Variants in SNX10 observed in about 807,000 individuals in gnomAD.
SNX10 encodes sorting nexin-10.
In SNX10, 25 loss-of-function variants were observed where a neutral mutation model predicts 28.5. The ratio of observed to expected loss-of-function variants is 0.88; its 90% confidence interval spans 0.64 to 1.22. SNX10 has a LOEUF of 1.22. SNX10 is among the 50% of genes most tolerant of loss of function. SNX10 has a pLI of 0.00. For missense variants in SNX10, 223 were observed against 242.6 expected (o/e 0.92, Z 0.54); for synonymous variants, 62 against 81.4 (o/e 0.76, Z 1.28).
In SNX10 at chr7:26,363,635, G is replaced by A. The variant is rs373806900; in HGVS notation, c.112-900G>A. Reference sequence around the variant, plus strand: ...ATATTTACTCTCGTCTTATGTTTACGCAAAGGAGAATATTTACTCTCGTCT... The same window carrying A: ...ATATTTACTCTCGTCTTATGTTTACACAAAGGAGAATATTTACTCTCGTCT... On this transcript the variant is annotated intron_variant, in intron 3 of 6. Coordinates refer to ENST00000338523, the MANE Select transcript of SNX10 (RefSeq NM_013322.3). 5.3e-5 allele frequency among the ~76,000 whole-genome samples: 8 copies of A among 152,048 alleles called. No homozygotes were observed. In the East Asian group the frequency reaches 9.7e-4, roughly 18 times the overall value.
intron 2 of SNX10, among the ~76,000 whole-genome samples, chr7:26,348,671 GT>G (rs1788484071): frequency 6.6e-6 from 1 of 152,204 alleles, no homozygotes; most frequent in Non-Finnish European, 1.5e-5. Context: ...TTAGAACAAA[GT>G]CAAAACACCT....
At chr7:26,358,818 T>TTC (rs1411871513) in intron 2 of SNX10, among the ~76,000 whole-genome samples, 1 of 147,984 alleles carries the variant, frequency 6.8e-6, no homozygotes, top group Non-Finnish European at 1.5e-5. Context: ...TTTTTTTTTT[T>TTC]TTTTTTGACC....
intron 2 of SNX10, among the ~76,000 whole-genome samples, chr7:26,352,822 GC>G: frequency 6.6e-6 from 1 of 152,232 alleles, no homozygotes; most frequent in Non-Finnish European, 1.5e-5. Context: ...ACCACACATT[GC>G]ATTTGGTTGA....
chr7:26,346,777 C>G (rs1788405053), intron 2 of SNX10, among the ~76,000 whole-genome samples: 1 of 152,220 alleles, frequency 6.6e-6, no homozygotes, highest in African/African-American at 2.4e-5. Flanking sequence ...TTTTTTACTC[C>G]ATTGACTCAT....
chr7:26,346,911 C>T (rs1488631969), intron 2 of SNX10, among the ~76,000 whole-genome samples: 1 of 152,262 alleles, frequency 6.6e-6, no homozygotes, highest in Admixed American at 6.5e-5. Context: ...CTTCTGCCTG[C>T]AGCCTGGCTT....
At chr7:26,355,102 C>T (rs1788767258) in intron 2 of SNX10, among the ~76,000 whole-genome samples, 1 of 152,102 alleles carries the variant, frequency 6.6e-6, no homozygotes, top group African/African-American at 2.4e-5. Context: ...TTTCCTTCTC[C>T]TTTGAATTGT....
chr7:26,338,569 T>A (rs1168583398), intron 1 of SNX10, among the ~76,000 whole-genome samples: 1 of 152,030 alleles, frequency 6.6e-6, no homozygotes, highest in Non-Finnish European at 1.5e-5. Context: ...ACCTGGCTAA[T>A]TTTTTGTATT....
chr7:26,338,848 C>G (rs13243295), intron 1 of SNX10, among the ~76,000 whole-genome samples: 28,207 of 152,080 alleles, frequency 0.19, 3,059 homozygotes, highest in East Asian at 0.44. Flanking sequence ...GGCAGAACTG[C>G]TTGAGCCAGA....
At chr7:26,342,188 G>A (rs1008191696) in intron 1 of SNX10, among the ~76,000 whole-genome samples, 6 of 152,070 alleles carry the variant, frequency 3.9e-5, no homozygotes, top group East Asian at 3.9e-4. Flanking sequence ...CACCATACCC[G>A]GCTGATTTTT....
At chr7:26,353,980 C>T (rs1039741720) in intron 2 of SNX10, 7 of 152,192 alleles carry the variant, frequency 4.6e-5, no homozygotes, top group Admixed American at 2.0e-4. Context: ...TTAGTATTCA[C>T]TTAACACCTA....
intron 1 of SNX10, among the ~76,000 whole-genome samples, chr7:26,301,995 C>A (rs1786387143): frequency 6.6e-6 from 1 of 152,142 alleles, no homozygotes; most frequent in African/African-American, 2.4e-5. Flanking sequence ...CAAACATAAT[C>A]CATGTAGATT....
At chr7:26,372,213 C>G in intron 6 of SNX10, 180 bp downstream of exon 6, 1 of 594,700 alleles carries the variant, frequency 1.7e-6, no homozygotes, top group South Asian at 2.1e-5. Flanking sequence ...GTAGTCTTCA[C>G]ACACACCTCC....
At chr7:26,353,010 C>G (rs1365524303) in intron 2 of SNX10, among the ~76,000 whole-genome samples, 1 of 151,892 alleles carries the variant, frequency 6.6e-6, no homozygotes, top group Non-Finnish European at 1.5e-5. Flanking sequence ...TGCACTTTTC[C>G]TGATGTGTTA....
chr7:26,292,573 A>T (rs1372248336), intron 1 of SNX10, among the ~76,000 whole-genome samples: 2 of 152,122 alleles, frequency 1.3e-5, no homozygotes, highest in African/African-American at 4.8e-5. Context: ...CCCAGGGGAA[A>T]ATCCATATAA....
intron 2 of SNX10, 45 bp from the exon 3 acceptor site, chr7:26,360,930 C>T (rs771124276): frequency 6.3e-7 from 1 of 1,575,562 alleles, no homozygotes. Flanking sequence ...TCCAGTCCTA[C>T]TTGCAGTTCT....
At chr7:26,338,843 A>T (rs1254217771) in intron 1 of SNX10, among the ~76,000 whole-genome samples, 1 of 152,178 alleles carries the variant, frequency 6.6e-6, no homozygotes, top group Non-Finnish European at 1.5e-5. Flanking sequence ...GGGATGGCAG[A>T]ACTGCTTGAG....
intron 1 of SNX10, among the ~76,000 whole-genome samples, chr7:26,332,103 G>A (rs1156714017): frequency 3.3e-5 from 5 of 152,094 alleles, no homozygotes; most frequent in East Asian, 1.9e-4. Context: ...TATATACCCC[G>A]GAGTTGAATT....
At chr7:26,363,634 C>T (rs746256382) in intron 3 of SNX10, among the ~76,000 whole-genome samples, 250 of 152,192 alleles carry the variant, frequency 1.6e-3, no homozygotes, top group African/African-American at 4.1e-3. Context: ...CTTATGTTTA[C>T]GCAAAGGAGA....
At chr7:26,345,013 C>A (rs1019904755) in intron 1 of SNX10, among the ~76,000 whole-genome samples, 8 of 152,310 alleles carry the variant, frequency 5.3e-5, no homozygotes, top group Admixed American at 5.2e-4. Context: ...CATCCCTCCC[C>A]CTCCTCCGTC....
Sources: allele counts gnomAD v4.1 joint callset (sites outside exome capture counted in the v4.1 genomes callset), GRCh38; gene constraint gnomAD v4.1.1; transcripts MANE v1.5; gene names NCBI Gene and HGNC (gene_info 2026-07-23, HGNC 2026-07-21).